Variants in TMEM132D observed in about 807,000 individuals in gnomAD.
The protein encoded by TMEM132D is transmembrane protein 132D.
Under a neutral mutation model 62.3 loss-of-function variants are expected in TMEM132D, and 21 were observed. That is an observed-to-expected ratio of 0.34 (90% CI 0.24 to 0.49). The LOEUF (loss-of-function observed/expected upper bound fraction) is 0.49, where lower values mean the gene tolerates loss of function less well. Ranked by LOEUF, TMEM132D falls within the 20% of genes least tolerant of loss-of-function variation. The probability of loss-of-function intolerance (pLI) is 0.99; values close to 1 mark genes in which losing one functional copy is unlikely to be tolerated. For missense variants in TMEM132D, 1,346 were observed against 1,402.8 expected (o/e 0.96, Z 0.65); for synonymous variants, 621 against 575.6 (o/e 1.08, Z -1.13).
rs1283574767 is a variant in TMEM132D, at chr12:129,074,418, C to G, written c.2757G>C (p.Gly919=). The G allele has an allele frequency of 6.2e-7, 1 of 1,613,996 alleles. No homozygotes were observed. Among genetic ancestry groups the G allele is most frequent in the Non-Finnish European group, 8.5e-7 (1 of 1,180,048 alleles). The change falls in exon 9 of 9, where the codon GGG becomes GGC. Residue 919 remains glycine, a synonymous_variant. Coordinates refer to ENST00000422113, the MANE Select transcript of TMEM132D (RefSeq NM_133448.3). Reference sequence around the variant, plus strand: ...AGAAGACTCCCAACAAAGCATACATCCCAATTTCTAAGTCGCTCAGCCCTT... The same window carrying G: ...AGAAGACTCCCAACAAAGCATACATGCCAATTTCTAAGTCGCTCAGCCCTT... The part of the protein sequence containing the change: ...ASKGLSDLEI[G]MYALLGVFCL...
chr12:129,688,712 G>A (rs1880990253), intron 2 of TMEM132D, among the ~76,000 whole-genome samples: 1 of 151,812 alleles, frequency 6.6e-6, no homozygotes, highest in East Asian at 1.9e-4. Context: ...TATTATACTA[G>A]ATAATGAAGA....
chr12:129,390,101 G>A (rs374946084), intron 3 of TMEM132D, among the ~76,000 whole-genome samples: 4 of 152,184 alleles, frequency 2.6e-5, no homozygotes, highest in South Asian at 2.1e-4. Context: ...TGTTGTGTGC[G>A]GCACTTTCAA....
At chr12:129,613,135 G>A (rs1878819659) in intron 2 of TMEM132D, among the ~76,000 whole-genome samples, 1 of 151,968 alleles carries the variant, frequency 6.6e-6, no homozygotes, top group South Asian at 2.1e-4. Context: ...TAGGCACAGG[G>A]TCCCAGTTGG....
chr12:129,820,446 C>T lies in TMEM132D; in HGVS notation c.79+82815G>A, dbSNP rs746008213. The stretch of plus-strand genomic sequence containing the variant: ...CCCAGGTCTTCTGATGCACACTCAG[C>T]GTGCGCATCCCCTCTGGAGCAGTTA... On this transcript the variant is annotated intron_variant, in intron 1 of 8. Transcript: ENST00000422113. Among the ~76,000 whole-genome samples the T allele has an allele frequency of 3.8e-4, 58 of 152,190 alleles. 1 individual carries two copies. The highest frequency in any genetic ancestry group is 3.9e-4 in the Admixed American group (6 of 15,292).
At chr12:129,664,069 C>G (rs530995850) in intron 2 of TMEM132D, among the ~76,000 whole-genome samples, 1 of 152,060 alleles carries the variant, frequency 6.6e-6, no homozygotes, top group Non-Finnish European at 1.5e-5. Context: ...TATCATTGCT[C>G]GACTATTTCA....
intron 3 of TMEM132D, among the ~76,000 whole-genome samples, chr12:129,376,487 C>T (rs1870784204): frequency 2.0e-5 from 3 of 152,098 alleles, no homozygotes; most frequent in Admixed American, 2.0e-4. Flanking sequence ...TTACCTCCAA[C>T]CAGGTACCTC....
At chr12:129,729,662 C>T (rs1157402738) in intron 1 of TMEM132D, among the ~76,000 whole-genome samples, 2 of 152,164 alleles carry the variant, frequency 1.3e-5, no homozygotes, top group Non-Finnish European at 2.9e-5. Context: ...TATCTTTCTA[C>T]TGGCATAAAG....
intron 3 of TMEM132D, among the ~76,000 whole-genome samples, chr12:129,495,013 C>G (rs556610549): frequency 2.0e-4 from 30 of 152,192 alleles, no homozygotes; most frequent in African/African-American, 7.2e-4. Flanking sequence ...GAGGGAAGCC[C>G]GGTGAGTTAG....
chr12:129,381,707 T>TTTCC (rs1870959179), intron 3 of TMEM132D, among the ~76,000 whole-genome samples: 1 of 151,756 alleles, frequency 6.6e-6, no homozygotes, highest in Non-Finnish European at 1.5e-5. Flanking sequence ...TTCCTTTCTC[T>TTTCC]TTCTTTTTTT....
At chr12:129,343,013 T>C (rs1869547540) in intron 3 of TMEM132D, among the ~76,000 whole-genome samples, 1 of 152,180 alleles carries the variant, frequency 6.6e-6, no homozygotes, top group East Asian at 1.9e-4. Flanking sequence ...TGGAAGTCAG[T>C]GTGGTGACTC....
chr12:129,742,163 A>C (rs1261975999), intron 1 of TMEM132D, among the ~76,000 whole-genome samples: 1 of 152,208 alleles, frequency 6.6e-6, no homozygotes, highest in Non-Finnish European at 1.5e-5. Flanking sequence ...AACAGTTCTA[A>C]CATTAGCCAT....
chr12:129,769,414 A>T (rs995899547), intron 1 of TMEM132D, among the ~76,000 whole-genome samples: 10 of 152,200 alleles, frequency 6.6e-5, no homozygotes, highest in African/African-American at 2.4e-4. Flanking sequence ...CCACAAGAAC[A>T]GTATGGGAAA....
chr12:129,877,176 T>TATTATAATTAATAA (rs1874440601), intron 1 of TMEM132D, among the ~76,000 whole-genome samples: 1 of 148,812 alleles, frequency 6.7e-6, no homozygotes, highest in Non-Finnish European at 1.5e-5. Flanking sequence ...ATTATATTTA[T>TATTATAATTAATAA]AATTATGTAA....
At chr12:129,076,116 A>G (rs796116306) in intron 8 of TMEM132D, among the ~76,000 whole-genome samples, 61 of 149,894 alleles carry the variant, frequency 4.1e-4, no homozygotes, top group African/African-American at 1.4e-3. Context: ...ACTTGAAACC[A>G]GAAAGACAAG....
At chr12:129,745,229 C>T (rs761471085) in intron 1 of TMEM132D, among the ~76,000 whole-genome samples, 1 of 152,150 alleles carries the variant, frequency 6.6e-6, no homozygotes, top group Non-Finnish European at 1.5e-5. Flanking sequence ...CCCTATATAA[C>T]ATCCCTTCAA....
intron 3 of TMEM132D, among the ~76,000 whole-genome samples, chr12:129,422,420 G>A (rs888355127): frequency 1.3e-5 from 2 of 152,192 alleles, no homozygotes; most frequent in African/African-American, 4.8e-5. Flanking sequence ...CAGAGGAGGA[G>A]TTGCTAAAGG....
rs187462811 is a variant in TMEM132D, at chr12:129,836,209, G to A, written c.79+67052C>T. Among the ~76,000 whole-genome samples the A allele has an allele frequency of 1.4e-3, 207 of 152,226 alleles. 1 individual carries two copies. Among genetic ancestry groups the A allele is most frequent in the African/African-American group, 4.6e-3 (192 of 41,528 alleles). On this transcript the variant is annotated intron_variant, in intron 1 of 8. Transcript: ENST00000422113. ...GATGGAGCCTCTCAAAGGAAGGATGGTTAGATCTTACAATCCTTTAAAAAT... is the reference window on the plus strand; with the variant it reads ...GATGGAGCCTCTCAAAGGAAGGATGATTAGATCTTACAATCCTTTAAAAAT...
At chr12:129,879,771 T>A (rs1383550375) in intron 1 of TMEM132D, among the ~76,000 whole-genome samples, 1 of 151,954 alleles carries the variant, frequency 6.6e-6, no homozygotes, top group Non-Finnish European at 1.5e-5. Flanking sequence ...ATGAACAGAA[T>A]CAGTGGTAGG....
intron 2 of TMEM132D, among the ~76,000 whole-genome samples, chr12:129,695,209 C>G (rs183371033): frequency 6.6e-6 from 1 of 152,082 alleles, no homozygotes; most frequent in South Asian, 2.1e-4. Flanking sequence ...AATGCAGTCT[C>G]CTGGATGGGA....
Sources: allele counts gnomAD v4.1 joint callset (sites outside exome capture counted in the v4.1 genomes callset), GRCh38; gene constraint gnomAD v4.1.1; transcripts MANE v1.5; gene names NCBI Gene and HGNC (gene_info 2026-07-23, HGNC 2026-07-21).